NR3C2: variants seen among roughly 807,000 people sequenced by gnomAD.
NR3C2 encodes mineralocorticoid receptor.
In NR3C2, 15 loss-of-function variants were observed where a neutral mutation model predicts 86.4. The observed-to-expected ratio is 0.17, with a 90% CI of 0.12 to 0.27. NR3C2 has a LOEUF of 0.27. Ranked by LOEUF, NR3C2 falls within the 10% of genes least tolerant of loss-of-function variation. The pLI is 1.00. For missense variants in NR3C2, 960 were observed against 1,195.6 expected (o/e 0.80, Z 2.91); for synonymous variants, 458 against 450.5 (o/e 1.02, Z -0.21).
At chr4:148,320,245 TAA>T (rs1463210757) in intron 2 of NR3C2, among the ~76,000 whole-genome samples, 1 of 71,434 alleles carries the variant, frequency 1.4e-5, no homozygotes. Flanking sequence ...TCATGGTGGA[TAA>T]GTTTTTGATG....
intron 2 of NR3C2, among the ~76,000 whole-genome samples, chr4:148,313,725 G>C (rs1313484530): frequency 6.6e-6 from 1 of 152,116 alleles, no homozygotes; most frequent in East Asian, 1.9e-4. Context: ...TATTTGCTTA[G>C]AAGTTTGCTT....
chr4:148,124,538 A>G (rs1254248959), intron 6 of NR3C2, among the ~76,000 whole-genome samples: 4 of 152,122 alleles, frequency 2.6e-5, no homozygotes, highest in African/African-American at 9.7e-5. Flanking sequence ...GATTGCCTGC[A>G]GTTTCATTAT....
At chr4:148,351,171 A>T (rs1001203198) in intron 2 of NR3C2, among the ~76,000 whole-genome samples, 1 of 152,090 alleles carries the variant, frequency 6.6e-6, no homozygotes, top group African/African-American at 2.4e-5. Context: ...TTTGAGATGG[A>T]GTCTTGCTCT....
intron 2 of NR3C2, among the ~76,000 whole-genome samples, chr4:148,273,710 G>A (rs558519216): frequency 4.6e-5 from 7 of 152,294 alleles, no homozygotes; most frequent in African/African-American, 1.7e-4. Flanking sequence ...CAGCAAGGTA[G>A]TCAGGAAGCA....
At chr4:148,294,622 T>C (rs1294978430) in intron 2 of NR3C2, among the ~76,000 whole-genome samples, 1 of 151,934 alleles carries the variant, frequency 6.6e-6, no homozygotes, top group Non-Finnish European at 1.5e-5. Context: ...TCTGATATTG[T>C]AGTACCTGTA....
intron 2 of NR3C2, among the ~76,000 whole-genome samples, chr4:148,431,545 A>C (rs1226226871): frequency 6.6e-6 from 1 of 152,152 alleles, no homozygotes; most frequent in Non-Finnish European, 1.5e-5. Flanking sequence ...CGTCCATTCT[A>C]AGGGCTTTAC....
At chr4:148,082,792 C>A (rs1293668080) in intron 8 of NR3C2, among the ~76,000 whole-genome samples, 2 of 151,898 alleles carry the variant, frequency 1.3e-5, no homozygotes, top group East Asian at 3.9e-4. Flanking sequence ...CCCACCACCA[C>A]GGAGCCTAGC....
At chr4:148,226,512 T>C (rs1220449408) in intron 3 of NR3C2, among the ~76,000 whole-genome samples, 2 of 152,230 alleles carry the variant, frequency 1.3e-5, no homozygotes, top group Non-Finnish European at 2.9e-5. Flanking sequence ...AAAGATGCTA[T>C]GAACATTCAT....
intron 2 of NR3C2, among the ~76,000 whole-genome samples, chr4:148,407,923 G>T (rs188738299): frequency 6.6e-6 from 1 of 152,108 alleles, no homozygotes; most frequent in East Asian, 1.9e-4. Context: ...AGAAAGTCCC[G>T]ATAACCTGTT....
intron 2 of NR3C2, among the ~76,000 whole-genome samples, chr4:148,413,085 G>C (rs1748791494): frequency 1.3e-5 from 2 of 152,096 alleles, no homozygotes; most frequent in African/African-American, 2.4e-5. Context: ...ATAAATATTT[G>C]AACCTCAAAA....
upstream of NR3C2, chr4:148,442,585 T>G (rs1270122440): frequency 1.1e-6 from 1 of 945,214 alleles, no homozygotes; most frequent in Non-Finnish European, 1.3e-6. Context: ...CCCTTCCTAT[T>G]GGCCCGAAGA....
intron 2 of NR3C2, among the ~76,000 whole-genome samples, chr4:148,323,768 T>C (rs934857171): frequency 3.3e-5 from 5 of 152,210 alleles, no homozygotes; most frequent in East Asian, 1.9e-4. Context: ...CACTGACCTG[T>C]GCCCACTGTC....
intron 2 of NR3C2, among the ~76,000 whole-genome samples, chr4:148,318,789 T>C (rs971941062): frequency 1.5e-4 from 23 of 152,222 alleles, no homozygotes; most frequent in Admixed American, 1.2e-3. Flanking sequence ...CTTTGTCAGA[T>C]GAGTAGGTTG....
At chr4:148,438,117 G>GC (rs1350485922) in intron 1 of NR3C2, among the ~76,000 whole-genome samples, 1 of 152,142 alleles carries the variant, frequency 6.6e-6, no homozygotes, top group Non-Finnish European at 1.5e-5. Flanking sequence ...CAATTTGATC[G>GC]CAAGTCTCTC....
intron 3 of NR3C2, among the ~76,000 whole-genome samples, chr4:148,215,288 T>C (rs766834308): frequency 6.6e-6 from 1 of 152,142 alleles, no homozygotes; most frequent in Non-Finnish European, 1.5e-5. Context: ...AACATTAAAA[T>C]TGACACTCAG....
intron 2 of NR3C2, among the ~76,000 whole-genome samples, chr4:148,286,559 G>A (rs2356210): frequency 0.78 from 118,901 of 152,106 alleles, 46,663 homozygotes; most frequent in Middle Eastern, 0.87. Context: ...TGGCTCATCC[G>A]GTGGAATCTG....
intron 6 of NR3C2, among the ~76,000 whole-genome samples, chr4:148,130,819 G>GTT (rs376180676): frequency 1.1e-4 from 12 of 108,904 alleles, no homozygotes; most frequent in East Asian, 2.4e-4. Flanking sequence ...GTTTTGTTTT[G>GTT]TTTTTTTTTT....
intron 2 of NR3C2, among the ~76,000 whole-genome samples, chr4:148,324,997 A>C (rs550349681): frequency 1.3e-5 from 2 of 152,360 alleles, no homozygotes; most frequent in African/African-American, 4.8e-5. Context: ...TATTAGAGGC[A>C]TATCTACAAA....
At chr4:148,377,102 T>C (rs1218209798) in intron 2 of NR3C2, among the ~76,000 whole-genome samples, 2 of 152,202 alleles carry the variant, frequency 1.3e-5, no homozygotes, top group Non-Finnish European at 2.9e-5. Flanking sequence ...CACTGACATT[T>C]TATTCTGGTA....
Sources: gnomAD v4.1 joint callset for allele counts (sites outside exome capture counted in the v4.1 genomes callset) on GRCh38, gnomAD v4.1.1 for gene constraint, MANE v1.5 for transcripts, NCBI Gene and HGNC (gene_info 2026-07-23, HGNC 2026-07-21) for gene names.